NCAPG2: variants seen among roughly 807,000 people sequenced by gnomAD.
The protein encoded by NCAPG2 is non-SMC condensin II complex subunit G2.
NCAPG2 carries 53 observed loss-of-function variants against 141.1 expected under a neutral mutation model. That is an observed-to-expected ratio of 0.38 (90% CI 0.30 to 0.47). The LOEUF (loss-of-function observed/expected upper bound fraction) is 0.47. Ranked by LOEUF, NCAPG2 falls within the 20% of genes least tolerant of loss-of-function variation. The pLI is 0.99. For synonymous variants in NCAPG2, 499 were observed against 490.7 expected (o/e 1.02, Z -0.22); for missense variants, 1,087 against 1,389.0 (o/e 0.78, Z 3.46).
At chr7:158,675,759 C>G in intron 11 of NCAPG2, 103 bp from the exon 12 acceptor site, 3 of 1,219,836 alleles carry the variant, frequency 2.5e-6, no homozygotes, top group Non-Finnish European at 3.4e-6. Context: ...CTTAGAGAAA[C>G]TTTGAGCATA....
At chr7:158,677,530 A>AAAAAAAAAAAAAAAAAAAAAAAAAAAAG in intron 11 of NCAPG2, among the ~76,000 whole-genome samples, 3 of 45,292 alleles carry the variant, frequency 6.6e-5, no homozygotes, top group Non-Finnish European at 1.4e-4. Flanking sequence ...TAAAGCAAAA[A>AAAAAAAAAAAAAAAAAAAAAAAAAAAAG]AAAAAAAAAA....
At chr7:158,659,938 C>T (rs1563524718) in intron 16 of NCAPG2, among the ~76,000 whole-genome samples, 1 of 151,888 alleles carries the variant, frequency 6.6e-6, no homozygotes, top group Admixed American at 6.6e-5. Context: ...GGTGAAACCA[C>T]GTCTCTACTA....
chr7:158,664,836 C>A, intron 13 of NCAPG2, 86 bp from the exon 14 acceptor site: 1 of 1,117,932 alleles, frequency 8.9e-7, no homozygotes, highest in East Asian at 2.6e-5. Flanking sequence ...CAAGCACAAC[C>A]AAAAAAGGAA....
intron 16 of NCAPG2, among the ~76,000 whole-genome samples, chr7:158,660,401 C>CTTTTTTTTTTTTTTTTTTTTTTTTTTTTT (rs945928092): frequency 6.9e-5 from 5 of 72,820 alleles, no homozygotes; most frequent in Non-Finnish European, 1.0e-4. Context: ...TTTCAGCTTT[C>CTTTTTTTTTTTTTTTTTTTTTTTTTTTTT]TTTTTTTTTT....
At chr7:158,678,500 A>AT (rs141115051) in intron 11 of NCAPG2, among the ~76,000 whole-genome samples, 2,167 of 152,100 alleles carry the variant, frequency 0.014, 54 homozygotes, top group African/African-American at 0.049. Context: ...TGTCCACAAA[A>AT]TTTTTTTCTT....
chr7:158,665,735 C>T (rs1297016059), intron 13 of NCAPG2, among the ~76,000 whole-genome samples: 1 of 152,164 alleles, frequency 6.6e-6, no homozygotes, highest in Non-Finnish European at 1.5e-5. Flanking sequence ...CCATATCTCA[C>T]CTCCCAACCC....
At chr7:158,647,655 C>T (rs888628684) in intron 24 of NCAPG2, among the ~76,000 whole-genome samples, 3 of 152,074 alleles carry the variant, frequency 2.0e-5, no homozygotes, top group Admixed American at 6.5e-5. Context: ...CGATTCTTGG[C>T]TATCTTAGGA....
chr7:158,635,825 C>G (rs1040790780), intron 27 of NCAPG2, among the ~76,000 whole-genome samples: 2 of 152,182 alleles, frequency 1.3e-5, no homozygotes, highest in African/African-American at 4.8e-5. Flanking sequence ...TTAATTGGAG[C>G]AAGGGGTTCC....
At chr7:158,683,554 T>G (rs1834571785) in intron 8 of NCAPG2, among the ~76,000 whole-genome samples, 168 bp from the exon 9 acceptor site, 1 of 152,270 alleles carries the variant, frequency 6.6e-6, no homozygotes, top group South Asian at 2.1e-4. Flanking sequence ...AGTCCATGCT[T>G]CTTAGAATCC....
chr7:158,637,529 C>T (rs1830332617), intron 27 of NCAPG2, among the ~76,000 whole-genome samples: 1 of 152,310 alleles, frequency 6.6e-6, no homozygotes, highest in Non-Finnish European at 1.5e-5. Context: ...ATCCGAGCCA[C>T]ACACAGGAGC....
At chr7:158,688,172 CA>C (rs1834890291) in intron 6 of NCAPG2, among the ~76,000 whole-genome samples, 2 of 47,972 alleles carry the variant, frequency 4.2e-5, no homozygotes, top group Non-Finnish European at 8.4e-5. Context: ...TCACAACAGG[CA>C]AGTTAAAAAA....
chr7:158,655,498 G>T, intron 19 of NCAPG2, 43 bp from the exon 20 acceptor site: 1 of 1,486,486 alleles, frequency 6.7e-7, no homozygotes, highest in Non-Finnish European at 9.4e-7. Context: ...GACTGACAAG[G>T]CACCACCACA....
At chr7:158,696,499 C>G (rs1466578577) in intron 2 of NCAPG2, 1 of 151,802 alleles carries the variant, frequency 6.6e-6, no homozygotes, top group African/African-American at 2.4e-5. Flanking sequence ...TAGAAAAATA[C>G]GAACTGAAAT....
At chr7:158,676,849 T>C (rs949062622) in intron 11 of NCAPG2, among the ~76,000 whole-genome samples, 1 of 152,210 alleles carries the variant, frequency 6.6e-6, no homozygotes, top group Admixed American at 6.5e-5. Flanking sequence ...GATCAATTTC[T>C]ATTAGCAATA....
intron 10 of NCAPG2, among the ~76,000 whole-genome samples, chr7:158,680,516 G>T (rs994867136): frequency 2.0e-5 from 3 of 152,164 alleles, no homozygotes; most frequent in Admixed American, 6.5e-5. Flanking sequence ...TGTGTAGTTA[G>T]CACTAAACCA....
At chr7:158,696,756 T>G (rs1835471343) in intron 2 of NCAPG2, 1 of 152,284 alleles carries the variant, frequency 6.6e-6, no homozygotes, top group Non-Finnish European at 1.5e-5. Flanking sequence ...CACCCTTAGC[T>G]TCCCAAATGT....
At chr7:158,668,433 T>C (rs1410822234) in intron 13 of NCAPG2, 4 of 984,362 alleles carry the variant, frequency 4.1e-6, no homozygotes, top group Non-Finnish European at 4.8e-6. Context: ...TGAAGAGTTA[T>C]TCTTTTTTTA....
intron 11 of NCAPG2, among the ~76,000 whole-genome samples, chr7:158,677,088 GC>G (rs1240227349): frequency 6.6e-6 from 1 of 152,126 alleles, no homozygotes; most frequent in Non-Finnish European, 1.5e-5. Context: ...ATACAGGCCA[GC>G]AGGAGTTCAG....
intron 27 of NCAPG2, among the ~76,000 whole-genome samples, chr7:158,634,463 G>C (rs1012474839): frequency 2.0e-5 from 3 of 152,094 alleles, no homozygotes; most frequent in African/African-American, 7.2e-5. Flanking sequence ...ATTCAGTACA[G>C]GCACAACCAT....
Sources: gnomAD v4.1 joint callset for allele counts (sites outside exome capture counted in the v4.1 genomes callset) on GRCh38, gnomAD v4.1.1 for gene constraint, MANE v1.5 for transcripts, NCBI Gene and HGNC (gene_info 2026-07-23, HGNC 2026-07-21) for gene names.